TJP1: variants seen among roughly 807,000 people sequenced by gnomAD.
TJP1 encodes tight junction protein ZO-1.
In TJP1, 43 loss-of-function variants were observed where a neutral mutation model predicts 194.2. The ratio of observed to expected loss-of-function variants is 0.22; its 90% confidence interval spans 0.17 to 0.29. TJP1 has a LOEUF of 0.29. Among genes scored for constraint, TJP1 ranks in the 10% least tolerant of loss-of-function variants. The probability of loss-of-function intolerance (pLI) is 1.00; values close to 1 mark genes in which losing one functional copy is unlikely to be tolerated. For synonymous variants in TJP1, 801 were observed against 779.0 expected (o/e 1.03, Z -0.47); for missense variants, 1,971 against 2,185.7 (o/e 0.90, Z 1.96).
At chr15:29,774,702 C>T (rs1399789999) in intron 2 of TJP1, among the ~76,000 whole-genome samples, 2 of 151,322 alleles carry the variant, frequency 1.3e-5, no homozygotes, top group Non-Finnish European at 2.9e-5. Flanking sequence ...ACTCGGAACA[C>T]GCTAAAAACC....
intron 4 of TJP1, 90 bp downstream of exon 4, chr15:29,771,974 C>A: frequency 1.2e-6 from 1 of 814,750 alleles, no homozygotes; most frequent in African/African-American, 1.8e-5. Flanking sequence ...TTCAGTTTTC[C>A]TTAAATGGGA....
At chr15:29,853,917 C>T (rs2051742723) in intron 2 of TJP1, among the ~76,000 whole-genome samples, 1 of 152,046 alleles carries the variant, frequency 6.6e-6, no homozygotes, top group Non-Finnish European at 1.5e-5. Context: ...GAGAACATAT[C>T]CAGGAGCAAC....
intron 2 of TJP1, among the ~76,000 whole-genome samples, chr15:29,846,527 A>C (rs2051416448): frequency 6.6e-6 from 1 of 152,150 alleles, no homozygotes; most frequent in African/African-American, 2.4e-5. Context: ...CAAAATGATC[A>C]GTTTATTCAC....
chr15:29,734,399 C>T lies in TJP1; in HGVS notation c.1408-17G>A. On this transcript the variant is annotated splice_polypyrimidine_tract_variant and intron_variant, in intron 11 of 27. Coordinates refer to ENST00000614355, the MANE Select transcript of TJP1 (RefSeq NM_001330239.4). ...GTTGTTTACCTAATAAATAAGATTT[C>T]ATAAATCATTCTTGGCTGTTTAAGA... The T allele has an allele frequency of 6.4e-7, 1 of 1,557,410 alleles. No homozygotes were observed. Among genetic ancestry groups the T allele is most frequent in the Admixed American group, 1.7e-5 (1 of 58,072 alleles).
chr15:29,931,964 T>C (rs1405203915), intron 2 of TJP1, among the ~76,000 whole-genome samples: 1 of 152,186 alleles, frequency 6.6e-6, no homozygotes, highest in East Asian at 1.9e-4. Context: ...TAAATTGTCA[T>C]GGTGCTGGTG....
chr15:29,846,722 G>A (rs965665591), intron 2 of TJP1, among the ~76,000 whole-genome samples: 7 of 152,014 alleles, frequency 4.6e-5, no homozygotes, highest in African/African-American at 7.2e-5. Flanking sequence ...TCAGGAGATC[G>A]AGACCATCCT....
At chr15:29,746,306 A>AG (rs768634596) in intron 8 of TJP1, among the ~76,000 whole-genome samples, 1 of 151,850 alleles carries the variant, frequency 6.6e-6, no homozygotes, top group Non-Finnish European at 1.5e-5. Context: ...TGAACCCGGG[A>AG]GGCGGAGCTT....
chr15:29,820,534 T>C (rs2050259216), intron 1 of TJP1: 1 of 716,806 alleles, frequency 1.4e-6, no homozygotes, highest in South Asian at 1.5e-5. Context: ...TACCTTACTG[T>C]GGCAATCCAT....
chr15:29,881,946 G>GAT (rs1043767922), intron 2 of TJP1, among the ~76,000 whole-genome samples: 190 of 150,544 alleles, frequency 1.3e-3, no homozygotes, highest in East Asian at 0.01. Flanking sequence ...TATATATATA[G>GAT]ATATATATAG....
chr15:29,959,453 T>C (rs557495121), intron 1 of TJP1, among the ~76,000 whole-genome samples: 1 of 152,306 alleles, frequency 6.6e-6, no homozygotes, highest in South Asian at 2.1e-4. Context: ...TTGAATTGTT[T>C]GGTGATTTTT....
At chr15:29,785,045 T>C (rs1465049146) in intron 2 of TJP1, among the ~76,000 whole-genome samples, 1 of 152,178 alleles carries the variant, frequency 6.6e-6, no homozygotes, top group Middle Eastern at 3.2e-3. Flanking sequence ...ATGGAAAATG[T>C]GCCATTTTTT....
chr15:29,720,477 T>G lies in TJP1; in HGVS notation c.2644A>C (p.Arg882=). The change falls in exon 19 of 28, where the codon AGA becomes CGA. Residue 882 remains arginine, a synonymous_variant. Coordinates refer to ENST00000614355, the MANE Select transcript of TJP1 (RefSeq NM_001330239.4). ...SAITRSSEPV[R]EDSSGMHHEN... is the part of the protein sequence containing the mutation. ...TGATGCATTCCAGAGGAGTCCTCTC[T>G]TACAGGCTCAGAGGACCGTGTAATG... is the stretch of plus-strand genomic sequence containing the variant. 1 of 1,614,134 alleles carries G rather than the reference T, an allele frequency of 6.2e-7. No homozygotes were observed. Among genetic ancestry groups the G allele is most frequent in the Non-Finnish European group, 8.5e-7 (1 of 1,180,022 alleles).
rs113280326 is a variant in TJP1 at position 29,900,219 on chromosome 15, C to T, written c.306+56013G>A. 2.7e-3 allele frequency among the ~76,000 whole-genome samples: 412 copies of T among 152,210 alleles called. 2 individuals are homozygous for T. The highest frequency in any genetic ancestry group is 9.5e-3 in the African/African-American group (393 of 41,522). ...CAGGAGTGTGCTGGGCACGTGAACA[C>T]AGCCAGGGTGGCTGGAAAGAGCTAC... is the stretch of plus-strand genomic sequence containing the variant. On this transcript the variant is annotated intron_variant, in intron 2 of 28. Coordinates refer to the TJP1 transcript ENST00000356107.
At chr15:29,741,561 T>C (rs2044422457) in intron 9 of TJP1, 125 bp from the exon 10 acceptor site, 1 of 633,096 alleles carries the variant, frequency 1.6e-6, no homozygotes, top group African/African-American at 1.9e-5. Flanking sequence ...CCATATGTAT[T>C]AGAGTACATT....
rs147021527 is a variant in TJP1 at position 29,764,499 on chromosome 15, G to A, written c.589+1767C>T. Among the ~76,000 whole-genome samples, 121 of 152,206 alleles carry A rather than the reference G, an allele frequency of 7.9e-4. 1 individual carries two copies. The East Asian group carries it at 0.02, about 26-fold the overall frequency. ...AGAAATCTGCAGAATCAACTTAAAG[G>A]GATCCAAGAGACAACCTATGAGACC... On this transcript the variant is annotated intron_variant, in intron 5 of 27. Coordinates refer to ENST00000614355, the MANE Select transcript of TJP1 (RefSeq NM_001330239.4).
At chr15:29,911,740 G>C (rs2152226532) in intron 2 of TJP1, among the ~76,000 whole-genome samples, 1 of 152,254 alleles carries the variant, frequency 6.6e-6, no homozygotes, top group South Asian at 2.1e-4. Flanking sequence ...TTTGGATGGG[G>C]AAACAGAGCC....
intron 1 of TJP1, among the ~76,000 whole-genome samples, chr15:29,803,132 T>A (rs542674399): frequency 6.6e-6 from 1 of 152,304 alleles, no homozygotes; most frequent in South Asian, 2.1e-4. Flanking sequence ...GTAAAGGGAC[T>A]GTGGGTGACA....
chr15:29,757,680 T>G (rs552724660), intron 8 of TJP1, among the ~76,000 whole-genome samples: 1 of 152,310 alleles, frequency 6.6e-6, no homozygotes, highest in African/African-American at 2.4e-5. Flanking sequence ...ACAAAAAATA[T>G]GAAAAGAACC....
chr15:29,759,959 T>C (rs1172337148), intron 8 of TJP1: 5 of 442,276 alleles, frequency 1.1e-5, no homozygotes, highest in Middle Eastern at 5.7e-4. Flanking sequence ...AGTGATTTCA[T>C]TTCCTTTGGA....
Sources: allele counts gnomAD v4.1 joint callset (sites outside exome capture counted in the v4.1 genomes callset), GRCh38; gene constraint gnomAD v4.1.1; transcripts MANE v1.5; gene names NCBI Gene and HGNC (gene_info 2026-07-23, HGNC 2026-07-21).